PLCB4: variants seen among roughly 807,000 people sequenced by gnomAD.
PLCB4 encodes 1-phosphatidylinositol 4,5-bisphosphate phosphodiesterase beta-4.
A neutral mutation model predicts 178.8 loss-of-function variants in PLCB4; 77 were observed. The observed-to-expected ratio is 0.43, with a 90% confidence interval of 0.36 to 0.52. PLCB4 has a LOEUF of 0.52. Among genes scored for constraint, PLCB4 ranks in the 20% least tolerant of loss-of-function variants. The pLI, the probability that PLCB4 is intolerant of heterozygous loss-of-function variation, is 0.00. For synonymous variants in PLCB4, 496 were observed against 490.8 expected, an observed-to-expected ratio of 1.01 and a Z score of -0.14; for missense variants, 1,024 against 1,453.4, an observed-to-expected ratio of 0.70 and a Z score of 4.80.
At chr20:9,281,298 A>C (rs1312638405) in intron 3 of PLCB4, among the ~76,000 whole-genome samples, 1 of 152,052 alleles carries the variant, frequency 6.6e-6, no homozygotes, top group Admixed American at 6.6e-5. Context: ...GTGAAAGAAC[A>C]TTTTAGAATG....
At chr20:9,087,963 C>CACAGGAAA (rs1200921261) in intron 1 of PLCB4, among the ~76,000 whole-genome samples, 1 of 152,122 alleles carries the variant, frequency 6.6e-6, no homozygotes, top group Non-Finnish European at 1.5e-5. Context: ...TCACAAGGTC[C>CACAGGAAA]ACAGGAAAAC....
At chr20:9,231,911 A>G (rs1292921087) in intron 3 of PLCB4, among the ~76,000 whole-genome samples, 1 of 152,178 alleles carries the variant, frequency 6.6e-6, no homozygotes, top group Non-Finnish European at 1.5e-5. Context: ...TTATCCGCCA[A>G]CAGGTGATGG....
intron 13 of PLCB4, among the ~76,000 whole-genome samples, chr20:9,380,855 G>T (rs1281614006): frequency 6.6e-6 from 1 of 152,172 alleles, no homozygotes; most frequent in African/African-American, 2.4e-5. Flanking sequence ...AGTGGAGAAT[G>T]TAAAGAGATG....
chr20:9,348,620 TGA>T (rs913127804), intron 7 of PLCB4, among the ~76,000 whole-genome samples: 6 of 152,150 alleles, frequency 3.9e-5, no homozygotes, highest in African/African-American at 1.4e-4. Flanking sequence ...TCTGAAATCC[TGA>T]AAAGGTCTAC....
In PLCB4 at chr20:9,260,960, C is replaced by T. The variant is rs188778459; in HGVS notation, c.-16+43508C>T. On this transcript the variant is annotated intron_variant, in intron 3 of 39. Transcript: ENST00000378473. ...CTAAGTTGCATGAAAGTATTAAAGC[C>T]ATTATTTTTCTTCTCTCCCACCCTA... is the stretch of plus-strand genomic sequence containing the variant. 4.4e-3 allele frequency among the ~76,000 whole-genome samples: 676 copies of T among 152,142 alleles called. 3 individuals carry two copies. Among genetic ancestry groups the T allele is most frequent in the African/African-American group, 0.014 (578 of 41,528 alleles).
At chr20:9,471,142 G>A (rs1164875975) in intron 36 of PLCB4, among the ~76,000 whole-genome samples, 2 of 151,986 alleles carry the variant, frequency 1.3e-5, no homozygotes, top group East Asian at 1.9e-4. Flanking sequence ...ATGTGTAGAG[G>A]GTAGTTAAAG....
At chr20:9,424,196 ATGT>A (rs993457262) in intron 28 of PLCB4, among the ~76,000 whole-genome samples, 6 of 152,228 alleles carry the variant, frequency 3.9e-5, no homozygotes, top group African/African-American at 1.4e-4. Flanking sequence ...CTATAATTTT[ATGT>A]TGTTTATCAA....
At chr20:9,354,987 G>C (rs1376490857) in intron 7 of PLCB4, among the ~76,000 whole-genome samples, 1 of 152,174 alleles carries the variant, frequency 6.6e-6, no homozygotes, top group East Asian at 1.9e-4. Context: ...AAAGCAGATT[G>C]AAAGACAGCC....
At chr20:9,155,769 C>T (rs114092675) in intron 2 of PLCB4, among the ~76,000 whole-genome samples, 2,592 of 152,164 alleles carry the variant, frequency 0.017, 59 homozygotes, top group African/African-American at 0.048. Context: ...AATAGTGATG[C>T]CCCATTTCCT....
At chr20:9,103,365 G>C (rs1036414437) in intron 2 of PLCB4, among the ~76,000 whole-genome samples, 1 of 152,060 alleles carries the variant, frequency 6.6e-6, no homozygotes, top group Non-Finnish European at 1.5e-5. Flanking sequence ...ACATGTTAAC[G>C]TAAGTAAGAA....
rs1354764815 is a variant in PLCB4, at chr20:9,371,287, A to G, written c.577A>G (p.Ser193Gly). The G allele has an allele frequency of 6.3e-7, 1 of 1,583,300 alleles. No homozygotes were observed. The highest frequency in any genetic ancestry group is 2.2e-5 in the East Asian group (1 of 44,720). Residue 193 changes from serine (S) to glycine (G), a missense_variant, in exon 10 of 40, where the codon AGT becomes GGT. Ser to Gly is a moderately conservative substitution (Grantham distance 56). Transcript: ENST00000378473. ...FQALKELGLP[S>G]GKNDEIEPTA... ...AGCACTCAAGGAGTTAGGTCTTCCC[A>G]GTGGAAAGGTATGCATTAACTTAAT...
At position 9,107,681 on chromosome 20, in the gene PLCB4, T is replaced by C. The variant is rs899735082; in HGVS notation, c.-79+11339T>C. Among the ~76,000 whole-genome samples, 8 of 152,092 alleles carry C rather than the reference T, an allele frequency of 5.3e-5. No homozygotes were observed. In the South Asian group the frequency reaches 1.7e-3, roughly 32 times the overall value. On this transcript the variant is annotated intron_variant, in intron 2 of 39. Transcript: ENST00000378473. ...GCGTAGGGAGGAGGGTCTTATAGTC[T>C]TCTGTGTGGACTTCGACTCCTGCTG... is the stretch of plus-strand genomic sequence containing the variant.
At chr20:9,301,129 A>G (rs1292852251) in intron 3 of PLCB4, among the ~76,000 whole-genome samples, 3 of 151,456 alleles carry the variant, frequency 2.0e-5, no homozygotes, top group Non-Finnish European at 2.9e-5. Context: ...CCCTTTTGTA[A>G]GGACATTTAG....
chr20:9,354,811 A>T (rs1041379979), intron 7 of PLCB4, among the ~76,000 whole-genome samples: 2 of 152,234 alleles, frequency 1.3e-5, no homozygotes, highest in Admixed American at 6.5e-5. Flanking sequence ...CTCAGTGCAG[A>T]TGCCAGGCTT....
chr20:9,313,044 A>C (rs2094855072), intron 4 of PLCB4, among the ~76,000 whole-genome samples: 1 of 152,220 alleles, frequency 6.6e-6, no homozygotes, highest in Admixed American at 6.5e-5. Context: ...ATGCCTCTTC[A>C]ATCATGCTTT....
At chr20:9,409,232 G>T in intron 24 of PLCB4, 51 bp downstream of exon 24, 1 of 1,506,568 alleles carries the variant, frequency 6.6e-7, no homozygotes. Context: ...ACTTTGACAG[G>T]ATGGTGCCAG....
At chr20:9,468,776 A>T (rs1401147694) in intron 36 of PLCB4, 104 bp downstream of exon 36, 2 of 635,820 alleles carry the variant, frequency 3.1e-6, no homozygotes, top group Non-Finnish European at 5.6e-6. Flanking sequence ...ACAGCAAAAC[A>T]CTTGTGGCTT....
At chr20:9,084,493 G>A (rs1350931071) in intron 1 of PLCB4, among the ~76,000 whole-genome samples, 1 of 130,558 alleles carries the variant, frequency 7.7e-6, no homozygotes, top group Non-Finnish European at 1.6e-5. Flanking sequence ...GTTAGTTGGT[G>A]CTTTCTCTTT....
At chr20:9,090,398 T>C (rs1329926128) in intron 1 of PLCB4, among the ~76,000 whole-genome samples, 1 of 151,692 alleles carries the variant, frequency 6.6e-6, no homozygotes, top group Non-Finnish European at 1.5e-5. Context: ...GTATGGGAAA[T>C]CTTAAAATAA....
Sources: gnomAD v4.1 joint callset for allele counts (sites outside exome capture counted in the v4.1 genomes callset) on GRCh38, gnomAD v4.1.1 for gene constraint, MANE v1.5 for transcripts, NCBI Gene and HGNC (gene_info 2026-07-23, HGNC 2026-07-21) for gene names.